ENOX1: variants seen among roughly 807,000 people sequenced by gnomAD.
The protein encoded by ENOX1 is candidate growth-related and time keeping constitutive hydroquinone (NADH) oxidase.
A neutral mutation model predicts 82.5 loss-of-function variants in ENOX1; 42 were observed. That is an observed-to-expected ratio of 0.51 (90% confidence interval 0.40 to 0.66). The LOEUF (loss-of-function observed/expected upper bound fraction) is 0.66, where lower values mean the gene tolerates loss of function less well. Among genes scored for constraint, ENOX1 ranks in the 30% least tolerant of loss-of-function variants. The pLI, the probability that ENOX1 is intolerant of heterozygous loss-of-function variation, is 0.00. For missense variants in ENOX1, 608 were observed against 811.6 expected (o/e 0.75, Z 3.05); for synonymous variants, 271 against 282.2 (o/e 0.96, Z 0.40).
At chr13:43,547,790 A>G (rs1258767461) in intron 2 of ENOX1, 2 of 152,226 alleles carry the variant, frequency 1.3e-5, no homozygotes, top group African/African-American at 4.8e-5. Context: ...TAAAAAAGAC[A>G]TGACCTCTTG....
Position 43,312,896 on chromosome 13 carries a change from G to A in ENOX1, c.1261+9488C>T, listed in dbSNP as rs564392486. 7.2e-5 allele frequency among the ~76,000 whole-genome samples: 11 copies of A among 152,206 alleles called. No individual in the cohort carries two copies. In the South Asian group the frequency reaches 1.9e-3, roughly 26 times the overall value. ...GGAAGACCAAGCAGAAGCCCCAGTC[G>A]GCTTTGTCTGGATTAACATTTTAAG... is the stretch of plus-strand genomic sequence containing the variant. On this transcript the variant is annotated intron_variant, in intron 11 of 16. Transcript: ENST00000690772.
intron 12 of ENOX1, among the ~76,000 whole-genome samples, chr13:43,294,011 A>AT (rs138160952): frequency 0.031 from 4,676 of 149,306 alleles, 184 homozygotes; most frequent in African/African-American, 0.1. Flanking sequence ...TACTTTTCCC[A>AT]TTTTTTTTTT....
chr13:43,462,113 C>T (rs1208717681), intron 3 of ENOX1, among the ~76,000 whole-genome samples: 1 of 152,172 alleles, frequency 6.6e-6, no homozygotes, highest in Non-Finnish European at 1.5e-5. Context: ...GAGGGACCCA[C>T]TCTATCTGAT....
chr13:43,334,445 T>C (rs1204013977), intron 9 of ENOX1, among the ~76,000 whole-genome samples: 2 of 152,168 alleles, frequency 1.3e-5, no homozygotes, highest in Non-Finnish European at 2.9e-5. Flanking sequence ...AAGGGCCAAA[T>C]ATGCAGCTGG....
chr13:43,275,599 C>T (rs9567141), intron 12 of ENOX1, among the ~76,000 whole-genome samples: 4 of 151,162 alleles, frequency 2.6e-5, no homozygotes, highest in Non-Finnish European at 4.4e-5. Context: ...CACACACACA[C>T]ATACACACAA....
chr13:43,233,097 C>G (rs1356605248), intron 15 of ENOX1, among the ~76,000 whole-genome samples: 3 of 152,134 alleles, frequency 2.0e-5, no homozygotes, highest in Non-Finnish European at 4.4e-5. Flanking sequence ...GTGAAATAAA[C>G]TAGTTCTGGC....
intron 5 of ENOX1, among the ~76,000 whole-genome samples, chr13:43,386,608 C>T (rs2052424744): frequency 6.6e-6 from 1 of 152,160 alleles, no homozygotes; most frequent in Admixed American, 6.5e-5. Flanking sequence ...TTTAGCCACC[C>T]ATTGTTGACT....
At chr13:43,425,844 C>T (rs2055267818) in intron 3 of ENOX1, among the ~76,000 whole-genome samples, 1 of 152,216 alleles carries the variant, frequency 6.6e-6, no homozygotes, top group African/African-American at 2.4e-5. Flanking sequence ...ACTGGGCTAT[C>T]TCACTTTGCA....
intron 1 of ENOX1, among the ~76,000 whole-genome samples, chr13:43,742,852 A>C (rs1949816505): frequency 6.6e-6 from 1 of 152,186 alleles, no homozygotes; most frequent in Admixed American, 6.5e-5. Flanking sequence ...TTGATTTTTC[A>C]GTTAGACAAA....
In ENOX1 at chr13:43,549,921, A is replaced by G. The variant is rs969654806; in HGVS notation, c.-218-65769T>C. Among the ~76,000 whole-genome samples, 3 of 152,290 alleles carry G rather than the reference A, an allele frequency of 2.0e-5. No individual in the cohort carries two copies. In the East Asian group the frequency reaches 5.8e-4, roughly 29 times the overall value. On this transcript the variant is annotated intron_variant, in intron 2 of 16. Coordinates refer to ENST00000690772, the MANE Select transcript of ENOX1 (RefSeq NM_001347969.2). Reference sequence around the variant, plus strand: ...CAAGGCTCTAAGACAGCGGCTGCCAATCTTTTTGGCACCAGGGACCAGTTT... The same window carrying G: ...CAAGGCTCTAAGACAGCGGCTGCCAGTCTTTTTGGCACCAGGGACCAGTTT...
At chr13:43,609,308 T>C (rs2082102501) in intron 2 of ENOX1, among the ~76,000 whole-genome samples, 1 of 152,232 alleles carries the variant, frequency 6.6e-6, no homozygotes, top group Non-Finnish European at 1.5e-5. Context: ...TAATAACTCA[T>C]TTGCAACTGT....
chr13:43,696,802 T>TC (rs2086662978), intron 1 of ENOX1, among the ~76,000 whole-genome samples: 1 of 151,572 alleles, frequency 6.6e-6, no homozygotes, highest in African/African-American at 2.4e-5. Flanking sequence ...TTGCTTTTTT[T>TC]TTTTTTTTAA....
chr13:43,635,579 C>A (rs909996903), intron 2 of ENOX1, among the ~76,000 whole-genome samples: 1 of 152,126 alleles, frequency 6.6e-6, no homozygotes, highest in Non-Finnish European at 1.5e-5. Context: ...ACATGTTCAG[C>A]TCATATATTT....
At position 43,393,917 on chromosome 13, in the gene ENOX1, T is replaced by C. The variant is rs542654525; in HGVS notation, c.208+17999A>G. Among the ~76,000 whole-genome samples, 15 of 152,216 alleles carry C rather than the reference T, an allele frequency of 9.9e-5. No homozygotes were observed. In the South Asian group the frequency reaches 3.1e-3, roughly 32 times the overall value. On this transcript the variant is annotated intron_variant, in intron 5 of 16. Coordinates refer to ENST00000690772, the MANE Select transcript of ENOX1 (RefSeq NM_001347969.2). ...GATAGCCCCTTCCTGTGGTAATGAA[T>C]GAGTTCTCACTGTTATTCACAGGAG...
chr13:43,408,650 A>C (rs567050500), intron 5 of ENOX1, among the ~76,000 whole-genome samples: 298 of 150,196 alleles, frequency 2.0e-3, no homozygotes, highest in Non-Finnish European at 3.5e-3. Flanking sequence ...GCTGCACACC[A>C]GGTACAGTAA....
chr13:43,231,638 A>C (rs996321963), intron 15 of ENOX1, among the ~76,000 whole-genome samples: 2 of 152,218 alleles, frequency 1.3e-5, no homozygotes, highest in Non-Finnish European at 2.9e-5. Flanking sequence ...CATCCAGTGA[A>C]AACCTCTTCA....
At chr13:43,576,361 G>C (rs574822592) in intron 2 of ENOX1, among the ~76,000 whole-genome samples, 39 of 152,310 alleles carry the variant, frequency 2.6e-4, no homozygotes, top group African/African-American at 9.1e-4. Flanking sequence ...GAGGAAATTA[G>C]ATTCCCTATA....
chr13:43,373,781 C>T (rs2051413398), intron 5 of ENOX1, among the ~76,000 whole-genome samples: 1 of 152,206 alleles, frequency 6.6e-6, no homozygotes, highest in African/African-American at 2.4e-5. Context: ...TCATTTCTGA[C>T]AACATCCTGA....
chr13:43,491,163 G>A (rs1366353009), intron 2 of ENOX1, among the ~76,000 whole-genome samples: 1 of 152,056 alleles, frequency 6.6e-6, no homozygotes, highest in African/African-American at 2.4e-5. Flanking sequence ...TGACAGCAGG[G>A]GCAAGAGAGA....
Sources: gnomAD v4.1 joint callset for allele counts (sites outside exome capture counted in the v4.1 genomes callset) on GRCh38, gnomAD v4.1.1 for gene constraint, MANE v1.5 for transcripts, NCBI Gene and HGNC (gene_info 2026-07-23, HGNC 2026-07-21) for gene names.